Variants in USP1 observed in about 807,000 individuals in gnomAD.
USP1 encodes ubiquitin carboxyl-terminal hydrolase 1.
A neutral mutation model predicts 72.2 loss-of-function variants in USP1; 18 were observed. The ratio of observed to expected loss-of-function variants is 0.25; its 90% CI spans 0.17 to 0.37. The LOEUF is 0.37. Among genes scored for constraint, USP1 ranks in the 10% least tolerant of loss-of-function variants. The pLI is 1.00. For synonymous variants in USP1, 354 were observed against 303.7 expected (o/e 1.17, Z -1.72); for missense variants, 759 against 884.9 (o/e 0.86, Z 1.81).
At chr1:62,448,342 C>T in intron 7 of USP1, 123 bp from the exon 8 acceptor site, 3 of 908,546 alleles carry the variant, frequency 3.3e-6, no homozygotes, top group South Asian at 1.8e-5. Flanking sequence ...GTAAAAATCT[C>T]TTTAGTTATT....
chr1:62,444,707 G>C (rs1645157718), intron 5 of USP1, 31 bp from the exon 6 acceptor site: 1 of 1,484,702 alleles, frequency 6.7e-7, no homozygotes, highest in Non-Finnish European at 8.9e-7. Context: ...TTCAAAACTA[G>C]AATAGATGAA....
intron 3 of USP1, 145 bp downstream of exon 3, chr1:62,441,753 AAGTT>A: frequency 9.8e-7 from 1 of 1,018,798 alleles, no homozygotes; most frequent in Non-Finnish European, 1.4e-6. Flanking sequence ...CTAAAATAAT[AAGTT>A]ACATGTTATT....
chr1:62,438,668 T>G (rs1464130445), intron 1 of USP1, among the ~76,000 whole-genome samples: 1 of 152,216 alleles, frequency 6.6e-6, no homozygotes, highest in African/African-American at 2.4e-5. Context: ...AAAATAGGCC[T>G]GATGTAGAAA....
intron 7 of USP1, 73 bp from the exon 8 acceptor site, chr1:62,448,392 G>C (rs1157514894): frequency 1.4e-6 from 2 of 1,425,886 alleles, no homozygotes; most frequent in Non-Finnish European, 1.9e-6. Context: ...TGCTAATTTT[G>C]AACCTGAAAC....
At chr1:62,440,583 C>T (rs1571130051) in intron 2 of USP1, among the ~76,000 whole-genome samples, 1 of 152,276 alleles carries the variant, frequency 6.6e-6, no homozygotes, top group Non-Finnish European at 1.5e-5. Context: ...GCAGCTCTAG[C>T]TGGAGTCTGT....
intron 8 of USP1, among the ~76,000 whole-genome samples, chr1:62,449,163 C>T (rs757870291): frequency 3.9e-5 from 6 of 152,106 alleles, no homozygotes; most frequent in Non-Finnish European, 8.8e-5. Flanking sequence ...GGATTACAGG[C>T]GTGAGCCACC....
chr1:62,448,435 G>C, intron 7 of USP1, 30 bp from the exon 8 acceptor site: 1 of 1,601,396 alleles, frequency 6.2e-7, no homozygotes, highest in Non-Finnish European at 8.5e-7. Flanking sequence ...CCTGAGAGAA[G>C]TATTTGAGTG....
At chr1:62,442,866 C>T (rs1202416964) in intron 4 of USP1, among the ~76,000 whole-genome samples, 14 of 151,770 alleles carry the variant, frequency 9.2e-5, no homozygotes, top group South Asian at 2.1e-4. Flanking sequence ...AGTAGGGCGT[C>T]ATGGTGTGAG....
chr1:62,440,072 T>C (rs777955992), intron 2 of USP1, 35 bp downstream of exon 2: 1 of 1,390,386 alleles, frequency 7.2e-7, no homozygotes, highest in Non-Finnish European at 9.4e-7. Flanking sequence ...TTAAAAATTC[T>C]ACAGTAAAGC....
At position 62,450,260 on chromosome 1, in the gene USP1, G is replaced by A. The variant is rs764720763; in HGVS notation, c.1637G>A (p.Gly546Asp). ...AASGLEFDCY[G>D]GGLSKINTPL... ...TCCTCCCAAAGGTTTGATTGTTATG[G>A]TGGTGGACTTTCCAAGATCAACACT... The change falls in exon 9 of 9, where the codon GGT becomes GAT. Residue 546 changes from glycine to aspartate, a missense_variant. Coordinates refer to ENST00000339950, the MANE Select transcript of USP1 (RefSeq NM_003368.5). 5.3e-5 allele frequency: 86 copies of A among 1,611,926 alleles called. No homozygotes were observed. The highest frequency in any genetic ancestry group is 6.9e-5 in the Non-Finnish European group (81 of 1,178,692).
rs746899848 is a variant in USP1 at position 62,447,408 on chromosome 1, T to G, written c.1317T>G (p.Arg439=). Residue 439 remains arginine, a synonymous_variant, in exon 7 of 9, where the codon CGT becomes CGG. Coordinates refer to ENST00000339950, the MANE Select transcript of USP1 (RefSeq NM_003368.5). ...LFQGQLVLRT[R]CLECESLTER... is the part of the protein sequence containing the mutation. ...AAGGTCAGCTGGTATTAAGGACGCG[T>G]TGCTTGGAATGTGAAAGTTTAACAG... The G allele has an allele frequency of 3.7e-6, 6 of 1,614,132 alleles. No homozygotes were observed. Among genetic ancestry groups the G allele is most frequent in the Non-Finnish European group, 4.2e-6 (5 of 1,180,016 alleles).
chr1:62,450,025 C>A (rs578025319), intron 8 of USP1, among the ~76,000 whole-genome samples: 6 of 151,944 alleles, frequency 3.9e-5, no homozygotes, highest in Non-Finnish European at 7.4e-5. Context: ...ATTATTTCTT[C>A]CACAGAAATG....
chr1:62,451,204 A>C lies in USP1; in HGVS notation c.*223A>C, dbSNP rs1645214518. 2.5e-6 allele frequency: 1 copy of C among 398,490 alleles called. No homozygotes were observed. Among genetic ancestry groups the C allele is most frequent in the East Asian group, 4.1e-5 (1 of 24,380 alleles). 24.7% of individuals were successfully genotyped at this position (398,490 alleles called of 1,614,324 possible). A position where few individuals can be genotyped will look rare whatever the true frequency, so the allele number is the denominator to read the frequency against. On this transcript the variant is annotated 3_prime_UTR_variant, in exon 9 of 9. Coordinates refer to ENST00000339950, the MANE Select transcript of USP1 (RefSeq NM_003368.5). ...TAGTGATGCATTAGCTTCTGGGAACAAACTTGTATCGGTTCTTAATTAAAT... is the reference window on the plus strand; with the variant it reads ...TAGTGATGCATTAGCTTCTGGGAACCAACTTGTATCGGTTCTTAATTAAAT...
intron 6 of USP1, among the ~76,000 whole-genome samples, chr1:62,445,974 C>T (rs756745044): frequency 7.3e-5 from 11 of 150,898 alleles, no homozygotes; most frequent in South Asian, 2.1e-4. Context: ...AGCAAGACTC[C>T]GTCTCAAAAA....
At chr1:62,440,135 C>T in intron 2 of USP1, 98 bp downstream of exon 2, 1 of 1,091,268 alleles carries the variant, frequency 9.2e-7, no homozygotes, top group Non-Finnish European at 1.2e-6. Flanking sequence ...TGTAGCGGCA[C>T]AAAAAAGTAC....
intron 3 of USP1, among the ~76,000 whole-genome samples, 196 bp from the exon 4 acceptor site, chr1:62,441,999 C>T (rs1314706340): frequency 6.6e-6 from 1 of 152,184 alleles, no homozygotes; most frequent in African/African-American, 2.4e-5. Flanking sequence ...TGCCCAGGTG[C>T]AGTGCTTTGT....
chr1:62,445,901 C>A (rs1023082602), intron 6 of USP1, among the ~76,000 whole-genome samples: 1 of 152,098 alleles, frequency 6.6e-6, no homozygotes, highest in Non-Finnish European at 1.5e-5. Context: ...ATCGCCTGAA[C>A]CCGGGAGGTG....
At chr1:62,449,905 TA>T (rs547815480) in intron 8 of USP1, among the ~76,000 whole-genome samples, 133 of 141,564 alleles carry the variant, frequency 9.4e-4, no homozygotes, top group Middle Eastern at 3.6e-3. Context: ...GACCCTGCCT[TA>T]AAAAAAAAAA....
chr1:62,436,963 CTG>C, upstream of USP1: 1 of 396,338 alleles, frequency 2.5e-6, no homozygotes, highest in Non-Finnish European at 4.4e-6. Context: ...AGCGTGGAGA[CTG>C]GAACCGGCAA....
Sources: allele counts gnomAD v4.1 joint callset (sites outside exome capture counted in the v4.1 genomes callset), GRCh38; gene constraint gnomAD v4.1.1; transcripts MANE v1.5; gene names NCBI Gene and HGNC (gene_info 2026-07-23, HGNC 2026-07-21).